The following PRRC2B variants were observed in gnomAD, a reference collection of about 807,000 sequenced individuals.
The protein encoded by PRRC2B is protein PRRC2B.
PRRC2B carries 68 observed loss-of-function variants against 242.3 expected under a neutral mutation model. The observed-to-expected ratio is 0.28, with a 90% confidence interval of 0.23 to 0.34. The LOEUF is 0.34. Ranked by LOEUF, PRRC2B falls within the 10% of genes least tolerant of loss-of-function variation. PRRC2B has a pLI of 1.00. For synonymous variants in PRRC2B, 1,228 were observed against 1,173.6 expected, an observed-to-expected ratio of 1.05 and a Z score of -0.95; for missense variants, 2,835 against 2,954.8, an observed-to-expected ratio of 0.96 and a Z score of 0.94.
At chr9:131,403,017 T>C (rs1283995205) in intron 1 of PRRC2B, among the ~76,000 whole-genome samples, 1 of 152,222 alleles carries the variant, frequency 6.6e-6, no homozygotes, top group Non-Finnish European at 1.5e-5. Flanking sequence ...CTGCAGGACC[T>C]ACTGGAAAAA....
intron 19 of PRRC2B, 80 bp downstream of exon 19, chr9:131,479,473 C>T (rs1013807551): frequency 1.4e-6 from 2 of 1,382,850 alleles, no homozygotes; most frequent in Admixed American, 2.1e-5. Context: ...GAGGATCCTG[C>T]TTTTGAGCTA....
chr9:131,409,020 C>CTTT (rs1209001135), intron 1 of PRRC2B, among the ~76,000 whole-genome samples: 2 of 129,170 alleles, frequency 1.5e-5, no homozygotes, highest in South Asian at 2.5e-4. Context: ...CGCTCAGCCA[C>CTTT]TTTTTTTTTT....
intron 1 of PRRC2B, among the ~76,000 whole-genome samples, chr9:131,421,900 C>T (rs550025940): frequency 4.6e-5 from 7 of 152,292 alleles, no homozygotes; most frequent in East Asian, 1.9e-4. Context: ...GTGTCTGCAC[C>T]GGTACTCCCA....
At position 131,487,120 on chromosome 9, in the gene PRRC2B, G is replaced by C; in HGVS notation, c.5857-47G>C. The stretch of plus-strand genomic sequence containing the variant: ...GGAGGTGGGAGGGGAAGAACCACCT[G>C]GATGGGCCTTGCGGTTACCTCCCCG... On this transcript the variant is annotated intron_variant, in intron 26 of 31. Transcript: ENST00000683519. The surrounding 1 kb of genome is among the most constrained non-coding windows in gnomAD (Gnocchi z 5.3). 1 of 1,599,162 alleles carries C rather than the reference G, an allele frequency of 6.3e-7. No homozygotes were observed. Among genetic ancestry groups the C allele is most frequent in the Non-Finnish European group, 8.5e-7 (1 of 1,170,602 alleles).
In PRRC2B at chr9:131,492,154, G is replaced by T; in HGVS notation, c.6382-15G>T. ...GGGCCTCAAATGACAGCTTGTTCCT[G>T]CTTGGTCTCTCTAGCCCTCTCAGAT... On this transcript the variant is annotated splice_polypyrimidine_tract_variant and intron_variant, in intron 29 of 31. Coordinates refer to ENST00000683519, the MANE Select transcript of PRRC2B (RefSeq NM_013318.4). The T allele has an allele frequency of 1.2e-6, 2 of 1,606,358 alleles. No homozygotes were observed. The highest frequency in any genetic ancestry group is 1.7e-6 in the Non-Finnish European group (2 of 1,173,188).
At chr9:131,489,704 AAGC>A (rs1944129782) in intron 28 of PRRC2B, among the ~76,000 whole-genome samples, 1 of 152,044 alleles carries the variant, frequency 6.6e-6, no homozygotes, top group South Asian at 2.1e-4. Flanking sequence ...GACAGTCTCC[AAGC>A]CCCTGTGGCC....
At chr9:131,451,843 T>C (rs1205028078) in intron 9 of PRRC2B, among the ~76,000 whole-genome samples, 1 of 152,202 alleles carries the variant, frequency 6.6e-6, no homozygotes, top group Non-Finnish European at 1.5e-5. Context: ...ATTTTTCTCC[T>C]TTATTTTGAT....
chr9:131,456,799 C>A (rs560041159), intron 10 of PRRC2B, among the ~76,000 whole-genome samples: 1 of 152,274 alleles, frequency 6.6e-6, no homozygotes, highest in East Asian at 1.9e-4. Flanking sequence ...GAGTAAGGCC[C>A]TGTCTCAAAA....
rs77813685 is a variant in PRRC2B, at chr9:131,438,600, C to T, written c.397-389C>T. ...GCTGCGCAGTTTTAAAGACACATGC[C>T]GGAACTGGGCCTTAGTCTTTGTCGC... On this transcript the variant is annotated intron_variant, in intron 4 of 31. Coordinates refer to ENST00000683519, the MANE Select transcript of PRRC2B (RefSeq NM_013318.4). Among the ~76,000 whole-genome samples the T allele has an allele frequency of 4.4e-3, 677 of 152,206 alleles. 1 individual carries two copies. Among genetic ancestry groups the T allele is most frequent in the Middle Eastern group, 0.014 (4 of 294 alleles).
At chr9:131,427,030 G>A (rs1009234250) in intron 1 of PRRC2B, among the ~76,000 whole-genome samples, 14 of 152,182 alleles carry the variant, frequency 9.2e-5, no homozygotes, top group African/African-American at 2.9e-4. Flanking sequence ...GCACAGTGTC[G>A]GCCCCTGGTT....
At chr9:131,389,183 G>A (rs558981851), upstream of PRRC2B, among the ~76,000 whole-genome samples, 15 of 128,798 alleles carry the variant, frequency 1.2e-4, 1 homozygote, top group African/African-American at 4.1e-4. Flanking sequence ...ACAGAGTTTC[G>A]CTCTTGTTGC....
chr9:131,479,885 C>T (rs1189025221), intron 19 of PRRC2B, among the ~76,000 whole-genome samples: 5 of 152,054 alleles, frequency 3.3e-5, no homozygotes, highest in Admixed American at 6.6e-5. Flanking sequence ...AGACGGTATA[C>T]GTTACTTCTT....
At chr9:131,407,839 C>G (rs986659238) in intron 1 of PRRC2B, among the ~76,000 whole-genome samples, 5 of 152,196 alleles carry the variant, frequency 3.3e-5, no homozygotes, top group African/African-American at 1.2e-4. Flanking sequence ...CACTTCACCT[C>G]TGAGCCTCTG....
chr9:131,414,513 C>A, intron 1 of PRRC2B, among the ~76,000 whole-genome samples: 1 of 149,920 alleles, frequency 6.7e-6, no homozygotes, highest in East Asian at 2.0e-4. Flanking sequence ...CCAGAAGCCT[C>A]TATCCTGTTT....
chr9:131,435,237 G>T (rs1314309944), intron 3 of PRRC2B, among the ~76,000 whole-genome samples: 126 of 151,794 alleles, frequency 8.3e-4, no homozygotes, highest in Non-Finnish European at 1.0e-4. Flanking sequence ...GGCAGAGGTT[G>T]CAGTGAGCCG....
chr9:131,445,119 C>T (rs980449284), intron 6 of PRRC2B, among the ~76,000 whole-genome samples: 1 of 152,082 alleles, frequency 6.6e-6, no homozygotes, highest in Non-Finnish European at 1.5e-5. Flanking sequence ...TAAACCAGCA[C>T]TCACTGCCTT....
chr9:131,380,291 GCTGGGC>G (rs1836738367), intron 1 of PRRC2B, among the ~76,000 whole-genome samples: 1 of 3,804 alleles, frequency 2.6e-4, no homozygotes, highest in African/African-American at 2.9e-4. Context: ...GAGTTCTTAA[GCTGGGC>G]ACGGGCACGG....
intron 10 of PRRC2B, 127 bp from the exon 11 acceptor site, chr9:131,459,037 G>A: frequency 2.7e-6 from 2 of 742,466 alleles, no homozygotes; most frequent in Non-Finnish European, 4.5e-6. Flanking sequence ...AGTGGGAGTG[G>A]TGGTCCATTC....
chr9:131,408,231 C>T lies in PRRC2B; in HGVS notation c.-52+13968C>T, dbSNP rs575453322. 2.6e-4 allele frequency among the ~76,000 whole-genome samples: 40 copies of T among 152,292 alleles called. No homozygotes were observed. In the South Asian group the frequency reaches 7.3e-3, roughly 28 times the overall value. On this transcript the variant is annotated intron_variant, in intron 1 of 31. Coordinates refer to ENST00000683519, the MANE Select transcript of PRRC2B (RefSeq NM_013318.4). ...CTCGGGCCTTGCTGGTTACTCTGTG[C>T]GGGGTTACAGGTCTCAACTCTTTTC...
Sources: gnomAD v4.1 joint callset for allele counts (sites outside exome capture counted in the v4.1 genomes callset) on GRCh38, gnomAD v4.1.1 for gene constraint, Gnocchi (gnomAD v3.1) non-coding constraint, MANE v1.5 for transcripts, NCBI Gene and HGNC (gene_info 2026-07-23, HGNC 2026-07-21) for gene names.